Variants in DLC1 observed in about 807,000 individuals in gnomAD.
The protein encoded by DLC1 is rho GTPase-activating protein 7.
DLC1 carries 54 observed loss-of-function variants against 140.3 expected under a neutral mutation model. The ratio of observed to expected loss-of-function variants is 0.38; its 90% CI spans 0.31 to 0.48. The LOEUF is 0.48. DLC1 is among the 20% of genes least tolerant of loss of function. DLC1 has a pLI of 0.96. For missense variants in DLC1, 2,536 were observed against 1,907.0 expected (o/e 1.33, Z -6.14); for synonymous variants, 986 against 728.1 (o/e 1.35, Z -5.70).
At position 13,295,942 on chromosome 8, in the gene DLC1, GTTTTTTTTTTTTTT is replaced by G. The variant is rs71207138; in HGVS notation, c.1348+9313_1348+9326del. On this transcript the variant is annotated intron_variant, in intron 5 of 17. Coordinates refer to ENST00000276297, the MANE Select transcript of DLC1 (RefSeq NM_182643.3). Reference sequence around the variant, plus strand: ...AAGAGATGATCAGATAAGATTCTTTGTTTTTTTTTTTTTTTTTTTTTTTTTTTGGAGACAGAGTC... The same window carrying G: ...AAGAGATGATCAGATAAGATTCTTTGTTTTTTTTTTTTTGGAGACAGAGTC... Among the ~76,000 whole-genome samples, 4 of 72,874 alleles carry G rather than the reference GTTTTTTTTTTTTTT, an allele frequency of 5.5e-5. No homozygotes were observed. The East Asian group carries it at 1.7e-3, about 31-fold the overall frequency. 47.8% of individuals were successfully genotyped at this position (72,874 alleles called of 152,430 possible). A position where few individuals can be genotyped will look rare whatever the true frequency, so the allele number is the denominator to read the frequency against.
chr8:13,595,213 T>G (rs558925223), intron 1 of DLC1, among the ~76,000 whole-genome samples: 1 of 152,118 alleles, frequency 6.6e-6, no homozygotes, highest in South Asian at 2.1e-4. Flanking sequence ...GAAAGGCACA[T>G]TTAATTTTTT....
At chr8:13,118,069 T>TG (rs1563633775) in intron 5 of DLC1, among the ~76,000 whole-genome samples, 2 of 147,648 alleles carry the variant, frequency 1.4e-5, no homozygotes, top group East Asian at 4.0e-4. Flanking sequence ...AAGGGCAGTG[T>TG]TATGATCCTA....
chr8:13,240,633 G>A (rs1402059188), intron 5 of DLC1, among the ~76,000 whole-genome samples: 2 of 151,850 alleles, frequency 1.3e-5, no homozygotes, highest in African/African-American at 2.4e-5. Flanking sequence ...AGGCTTCCCT[G>A]TGTTGCCCAG....
At chr8:13,163,333 G>A (rs1824862328) in intron 5 of DLC1, among the ~76,000 whole-genome samples, 1 of 152,166 alleles carries the variant, frequency 6.6e-6, no homozygotes, top group South Asian at 2.1e-4. Flanking sequence ...TGGGAGAAAG[G>A]AACATAATTC....
intron 1 of DLC1, among the ~76,000 whole-genome samples, chr8:13,502,456 A>G (rs1801865570): frequency 6.6e-6 from 1 of 152,178 alleles, no homozygotes; most frequent in African/African-American, 2.4e-5. Flanking sequence ...GTTTTTTTAA[A>G]AAAATGAATG....
intron 4 of DLC1, among the ~76,000 whole-genome samples, chr8:13,326,104 T>A (rs1586142477): frequency 6.6e-6 from 1 of 152,184 alleles, no homozygotes; most frequent in Non-Finnish European, 1.5e-5. Flanking sequence ...TGCACAAGGA[T>A]GTGCATTGCC....
chr8:13,290,288 C>A (rs1831708225), intron 5 of DLC1, among the ~76,000 whole-genome samples: 1 of 152,074 alleles, frequency 6.6e-6, no homozygotes, highest in Non-Finnish European at 1.5e-5. Flanking sequence ...GGTCTTCAAA[C>A]TTAGTGTTCA....
chr8:13,461,404 A>G (rs1799650828), intron 2 of DLC1, among the ~76,000 whole-genome samples: 1 of 152,090 alleles, frequency 6.6e-6, no homozygotes. Context: ...CCACCCCTTT[A>G]TAAACATTAA....
chr8:13,262,519 C>T (rs1402646891), intron 5 of DLC1, among the ~76,000 whole-genome samples: 1 of 151,976 alleles, frequency 6.6e-6, no homozygotes, highest in Non-Finnish European at 1.5e-5. Context: ...ACCAATATTG[C>T]CAGGAAACTA....
At chr8:13,245,334 C>T (rs1829719964) in intron 5 of DLC1, among the ~76,000 whole-genome samples, 1 of 152,216 alleles carries the variant, frequency 6.6e-6, no homozygotes, top group Non-Finnish European at 1.5e-5. Context: ...CTCTCCTGGC[C>T]AATATCCCGG....
chr8:13,582,878 C>CTATATATA lies in DLC1; in HGVS notation c.-126+21651_-126+21658dup, dbSNP rs55681527. Among the ~76,000 whole-genome samples the CTATATATA allele has an allele frequency of 3.1e-3, 317 of 103,010 alleles. 3 individuals are homozygous for CTATATATA. Among genetic ancestry groups the CTATATATA allele is most frequent in the African/African-American group, 3.9e-3 (111 of 28,206 alleles). 67.6% of individuals were successfully genotyped at this position (103,010 alleles called of 152,430 possible). On this transcript the variant is annotated intron_variant, in intron 1 of 1. Transcript: ENST00000631382. ...AGTTATGTTTACAATATACTGTGGT[C>CTATATATA]TATATATATATATATATATATATAT... is the stretch of plus-strand genomic sequence containing the variant.
At chr8:13,286,909 A>G (rs1831553404) in intron 5 of DLC1, among the ~76,000 whole-genome samples, 1 of 152,152 alleles carries the variant, frequency 6.6e-6, no homozygotes, top group African/African-American at 2.4e-5. Flanking sequence ...TGTACAGGAG[A>G]TGACAGTCTG....
rs756715684 is a variant in DLC1 at position 13,088,628 on chromosome 8, C to A, written c.4151G>T (p.Arg1384Leu). ...CCAGAGGTGCTGTTCTTTAAGTAGG[C>A]GCTTTAAGATTTCCTCTGGCACAGC... ...VPAVPEEILK[R>L]LLKEQHLWDV... is the part of the protein sequence containing the mutation. The change falls in exon 16 of 18, where the codon CGC becomes CTC. Residue 1384 changes from arginine (R) to leucine (L), a missense_variant. Arg to Leu is a moderately radical substitution (Grantham distance 102). Transcript: ENST00000276297. The A allele has an allele frequency of 1.2e-6, 2 of 1,613,986 alleles. No individual in the cohort carries two copies. The highest frequency in any genetic ancestry group is 2.7e-5 in the African/African-American group (2 of 74,880).
chr8:13,222,949 T>C (rs1828626673), intron 5 of DLC1, among the ~76,000 whole-genome samples: 1 of 151,772 alleles, frequency 6.6e-6, no homozygotes, highest in Admixed American at 6.6e-5. Flanking sequence ...GATGGGGTCT[T>C]GGTATATTTC....
chr8:13,141,429 A>G (rs1414691554), intron 5 of DLC1, among the ~76,000 whole-genome samples: 3 of 152,192 alleles, frequency 2.0e-5, no homozygotes, highest in Non-Finnish European at 4.4e-5. Flanking sequence ...AAAATCTGTG[A>G]GGTTTTCAAG....
At chr8:13,372,459 C>G (rs1160354726) in intron 4 of DLC1, among the ~76,000 whole-genome samples, 1 of 152,176 alleles carries the variant, frequency 6.6e-6, no homozygotes, top group Non-Finnish European at 1.5e-5. Context: ...AATGTCCAAA[C>G]AAATTCTTCT....
At chr8:13,379,288 G>C (rs1240371969) in intron 4 of DLC1, among the ~76,000 whole-genome samples, 1 of 152,100 alleles carries the variant, frequency 6.6e-6, no homozygotes, top group Non-Finnish European at 1.5e-5. Context: ...GACCGTTTGA[G>C]ACCCCACAAC....
chr8:13,106,407 G>C (rs1021700094), intron 7 of DLC1, among the ~76,000 whole-genome samples: 2 of 152,138 alleles, frequency 1.3e-5, no homozygotes, highest in African/African-American at 2.4e-5. Context: ...GAATGCAATG[G>C]TGCTATCATG....
intron 5 of DLC1, among the ~76,000 whole-genome samples, chr8:13,119,975 T>C (rs983193550): frequency 1.2e-4 from 10 of 82,736 alleles, no homozygotes; most frequent in Non-Finnish European, 3.5e-4. Context: ...TCAAATGCCA[T>C]AGTGAGAGAA....
Sources: gnomAD v4.1 joint callset for allele counts (sites outside exome capture counted in the v4.1 genomes callset) on GRCh38, gnomAD v4.1.1 for gene constraint, MANE v1.5 for transcripts, NCBI Gene and HGNC (gene_info 2026-07-23, HGNC 2026-07-21) for gene names.